OCA2: variants seen among roughly 807,000 people sequenced by gnomAD.
OCA2 encodes the protein P protein.
In OCA2, 77 loss-of-function variants were observed where a neutral mutation model predicts 100.2. The observed-to-expected ratio is 0.77, with a 90% confidence interval of 0.64 to 0.93. OCA2 has a LOEUF of 0.93. Ranked by LOEUF, OCA2 falls within the 40% of genes least tolerant of loss-of-function variation. OCA2 has a pLI of 0.00. For synonymous variants in OCA2, 432 were observed against 439.2 expected (o/e 0.98, Z 0.21); for missense variants, 1,062 against 1,089.1 (o/e 0.98, Z 0.35).
intron 23 of OCA2, among the ~76,000 whole-genome samples, chr15:27,843,595 C>G (rs1595501842): frequency 6.6e-6 from 1 of 152,180 alleles, no homozygotes; most frequent in African/African-American, 2.4e-5. Flanking sequence ...GCGGCAGGGT[C>G]AGCGATATGC....
intron 9 of OCA2, among the ~76,000 whole-genome samples, chr15:28,002,744 C>T (rs1194073636): frequency 6.6e-6 from 1 of 152,184 alleles, no homozygotes; most frequent in Admixed American, 6.5e-5. Flanking sequence ...TTCCTCTGCT[C>T]TTACATGGAT....
chr15:28,034,419 G>T (rs2042990625), intron 2 of OCA2, among the ~76,000 whole-genome samples: 1 of 152,196 alleles, frequency 6.6e-6, no homozygotes, highest in South Asian at 2.1e-4. Context: ...TGGCTGCCAT[G>T]TTTTCATCTT....
intron 23 of OCA2, among the ~76,000 whole-genome samples, chr15:27,817,314 C>T (rs78902189): frequency 0.019 from 2,857 of 152,310 alleles, 74 homozygotes; most frequent in African/African-American, 0.064. Flanking sequence ...CAGCTGCTCT[C>T]TGACCTGCTT....
intron 23 of OCA2, among the ~76,000 whole-genome samples, chr15:27,821,216 C>A (rs1002955665): frequency 2.6e-5 from 4 of 152,132 alleles, no homozygotes; most frequent in Admixed American, 2.0e-4. Context: ...GTTATGCACA[C>A]TCTTAAGATG....
downstream of OCA2, among the ~76,000 whole-genome samples, chr15:27,750,934 C>T (rs1194849237): frequency 6.6e-6 from 1 of 152,150 alleles, no homozygotes; most frequent in South Asian, 2.1e-4. Flanking sequence ...AGCTGCTTCC[C>T]AGACCTGAGA....
In OCA2 at chr15:28,021,004, C is replaced by T. The variant is rs184646978; in HGVS notation, c.646+1497G>A. On this transcript the variant is annotated intron_variant, in intron 6 of 23. Coordinates refer to ENST00000354638, the MANE Select transcript of OCA2 (RefSeq NM_000275.3). Reference sequence around the variant, plus strand: ...AAAACCAAGACTATGCAACAGATTACAGCAACTGCAAGGAAAGCAAGCCAG... The same window carrying T: ...AAAACCAAGACTATGCAACAGATTATAGCAACTGCAAGGAAAGCAAGCCAG... 7.2e-4 allele frequency among the ~76,000 whole-genome samples: 109 copies of T among 152,354 alleles called. 2 individuals carry two copies. The East Asian group carries it at 0.01, about 15-fold the overall frequency.
At chr15:27,975,982 T>C (rs2040951566) in intron 14 of OCA2, among the ~76,000 whole-genome samples, 1 of 152,194 alleles carries the variant, frequency 6.6e-6, no homozygotes. Context: ...TTTCAGTATA[T>C]AGGCCTTGCG....
the OCA2 span, among the ~76,000 whole-genome samples, chr15:27,721,763 T>C: frequency 6.6e-6 from 1 of 152,246 alleles, no homozygotes; most frequent in East Asian, 1.9e-4. Flanking sequence ...ACAAAAATTT[T>C]ATTTATTTAT....
At chr15:27,857,612 G>A (rs760808007) in intron 21 of OCA2, among the ~76,000 whole-genome samples, 2 of 151,808 alleles carry the variant, frequency 1.3e-5, no homozygotes, top group Non-Finnish European at 2.9e-5. Flanking sequence ...AATTTAAAAT[G>A]TCAAAAAAAG....
At position 28,081,843 on chromosome 15, in the gene OCA2, T is replaced by C; in HGVS notation, c.32A>G (p.Tyr11Cys). The change falls in exon 2 of 24, where the codon TAC (tyrosine) becomes TGC (cysteine). Residue 11 changes from tyrosine (Y) to cysteine (C), a missense_variant. By Grantham distance (194) the Tyr-to-Cys change is radical. Coordinates refer to ENST00000354638, the MANE Select transcript of OCA2 (RefSeq NM_000275.3). Reference sequence around the variant, plus strand: ...GAGCTCCACCGCCGGCGCGCCGGGGTACCGCCTGCCGTCTCTGCCCTCCAG... The same window carrying C: ...GAGCTCCACCGCCGGCGCGCCGGGGCACCGCCTGCCGTCTCTGCCCTCCAG... MHLEGRDGRRYPGAPAVELLQ... is the reference protein window; with the variant it reads MHLEGRDGRRCPGAPAVELLQ... 1 of 1,611,290 alleles carries C rather than the reference T, an allele frequency of 6.2e-7. No individual in the cohort carries two copies. Among genetic ancestry groups the C allele is most frequent in the Non-Finnish European group, 8.5e-7 (1 of 1,179,698 alleles).
intron 23 of OCA2, among the ~76,000 whole-genome samples, chr15:27,807,507 A>G (rs1247703927): frequency 6.6e-6 from 1 of 152,144 alleles, no homozygotes; most frequent in Admixed American, 6.5e-5. Flanking sequence ...TCATCCACAC[A>G]CGTCAGGGAA....
At chr15:27,820,922 T>C (rs930107049) in intron 23 of OCA2, among the ~76,000 whole-genome samples, 1 of 152,296 alleles carries the variant, frequency 6.6e-6, no homozygotes, top group African/African-American at 2.4e-5. Flanking sequence ...CAAGATGGCA[T>C]GTGAGTATTC....
At chr15:27,799,233 A>G (rs2033483666) in intron 23 of OCA2, among the ~76,000 whole-genome samples, 1 of 152,192 alleles carries the variant, frequency 6.6e-6, no homozygotes, top group South Asian at 2.1e-4. Flanking sequence ...AAAGTACACT[A>G]AACACCTACT....
chr15:27,920,837 A>T (rs1045954763), intron 19 of OCA2, among the ~76,000 whole-genome samples: 10 of 152,100 alleles, frequency 6.6e-5, no homozygotes, highest in Non-Finnish European at 1.3e-4. Flanking sequence ...CATAAAAATT[A>T]CTCATCAAAA....
At chr15:27,750,504 T>TA (rs764544287), downstream of OCA2, among the ~76,000 whole-genome samples, 1 of 152,172 alleles carries the variant, frequency 6.6e-6, no homozygotes, top group Non-Finnish European at 1.5e-5. Context: ...AAGGCTCAGA[T>TA]TTTTATGTGT....
At chr15:28,065,441 C>T (rs2043995633) in intron 2 of OCA2, among the ~76,000 whole-genome samples, 1 of 152,110 alleles carries the variant, frequency 6.6e-6, no homozygotes, top group African/African-American at 2.4e-5. Context: ...AAGCAATGCC[C>T]ATCACTTTTC....
chr15:28,071,384 C>T (rs147323759), intron 2 of OCA2, among the ~76,000 whole-genome samples: 9 of 152,284 alleles, frequency 5.9e-5, no homozygotes, highest in African/African-American at 1.7e-4. Context: ...TATCAAACTA[C>T]CAACGTTCTT....
At chr15:27,985,215 C>G in intron 12 of OCA2, 27 bp from the exon 13 acceptor site, 3 of 1,613,226 alleles carry the variant, frequency 1.9e-6, no homozygotes, top group Non-Finnish European at 2.5e-6. Flanking sequence ...AGAGAGAGTA[C>G]AAGCCAGAGT....
intron 21 of OCA2, among the ~76,000 whole-genome samples, chr15:27,867,656 G>A (rs1289193550): frequency 1.3e-5 from 2 of 152,152 alleles, no homozygotes; most frequent in Non-Finnish European, 2.9e-5. Flanking sequence ...GTGCTGAAGT[G>A]CAAGGAGAAA....
Sources: gnomAD v4.1 joint callset for allele counts (sites outside exome capture counted in the v4.1 genomes callset) on GRCh38, gnomAD v4.1.1 for gene constraint, MANE v1.5 for transcripts, NCBI Gene and HGNC (gene_info 2026-07-23, HGNC 2026-07-21) for gene names.